The following JAK1 variants were observed in gnomAD, a reference collection of about 807,000 sequenced individuals.
JAK1 encodes the protein Janus kinase 1.
A neutral mutation model predicts 136.6 loss-of-function variants in JAK1; 16 were observed. That is an observed-to-expected ratio of 0.12 (90% confidence interval 0.08 to 0.18). JAK1 has a LOEUF of 0.18. Among genes scored for constraint, JAK1 ranks in the 10% least tolerant of loss-of-function variants. The pLI is 1.00. For synonymous variants in JAK1, 492 were observed against 519.5 expected (o/e 0.95, Z 0.72); for missense variants, 859 against 1,450.1 (o/e 0.59, Z 6.62).
Position 64,862,254 on chromosome 1 carries a change from G to A in JAK1, c.1177-1992C>T, listed in dbSNP as rs115990377. Among the ~76,000 whole-genome samples, 541 of 152,296 alleles carry A rather than the reference G, an allele frequency of 3.6e-3. 5 individuals carry two copies. The highest frequency in any genetic ancestry group is 0.012 in the African/African-American group (504 of 41,566). Reference sequence around the variant, plus strand: ...ACCTGCTAGTAGGGTTATGCATATGGAATCATCATTTTTATAGGTCAAAAT... The same window carrying A: ...ACCTGCTAGTAGGGTTATGCATATGAAATCATCATTTTTATAGGTCAAAAT... On this transcript the variant is annotated intron_variant, in intron 8 of 24. Coordinates refer to ENST00000342505, the MANE Select transcript of JAK1 (RefSeq NM_002227.4).
intron 2 of JAK1, among the ~76,000 whole-genome samples, chr1:65,043,700 ATTTTTTTT>A (rs112982943): frequency 0.096 from 9,774 of 101,328 alleles, 720 homozygotes; most frequent in East Asian, 0.35. Context: ...CACCTGGCTA[ATTTTTTTT>A]TTTTTTTTTT....
At chr1:65,003,709 G>T (rs1646780972) in intron 2 of JAK1, 1 of 150,716 alleles carries the variant, frequency 6.6e-6, no homozygotes, top group Admixed American at 6.7e-5. Flanking sequence ...TTCTTGTTAT[G>T]AGATGGGTGC....
At chr1:65,013,254 G>A (rs926767482) in intron 2 of JAK1, among the ~76,000 whole-genome samples, 11 of 151,078 alleles carry the variant, frequency 7.3e-5, no homozygotes, top group Non-Finnish European at 1.3e-4. Flanking sequence ...AAAATTAGCC[G>A]GGCGTGCTGG....
At chr1:64,891,112 A>G (rs549298651) in intron 1 of JAK1, among the ~76,000 whole-genome samples, 5 of 152,296 alleles carry the variant, frequency 3.3e-5, no homozygotes, top group African/African-American at 1.2e-4. Flanking sequence ...AACTGATTAC[A>G]GCTTGATGAA....
chr1:64,837,381 T>G (rs1654553515), intron 22 of JAK1, among the ~76,000 whole-genome samples: 2 of 152,108 alleles, frequency 1.3e-5, no homozygotes, highest in Admixed American at 1.3e-4. Context: ...CAGGGTGCGG[T>G]AGAGATGTAA....
At chr1:64,871,045 G>A (rs973571736) in intron 5 of JAK1, among the ~76,000 whole-genome samples, 1 of 152,150 alleles carries the variant, frequency 6.6e-6, no homozygotes, top group African/African-American at 2.4e-5. Flanking sequence ...CTGCTCCCGG[G>A]AAAGGTAAAG....
intron 5 of JAK1, among the ~76,000 whole-genome samples, chr1:64,872,821 C>A (rs1391332779): frequency 1.3e-5 from 2 of 152,154 alleles, no homozygotes; most frequent in Non-Finnish European, 2.9e-5. Flanking sequence ...AAAATCTATA[C>A]AGTATCTAAA....
intron 1 of JAK1, among the ~76,000 whole-genome samples, chr1:64,914,438 A>G (rs898275166): frequency 3.3e-5 from 5 of 152,254 alleles, no homozygotes; most frequent in Admixed American, 6.5e-5. Context: ...TAGAGGTTGT[A>G]AAGTCCCAAA....
intron 1 of JAK1, among the ~76,000 whole-genome samples, chr1:64,891,376 A>G (rs938293388): frequency 3.3e-5 from 5 of 152,126 alleles, no homozygotes; most frequent in Admixed American, 1.3e-4. Flanking sequence ...AGTACTTTTC[A>G]TAGTCTAACA....
At chr1:65,051,287 T>C (rs1377651771) in intron 1 of JAK1, among the ~76,000 whole-genome samples, 4 of 152,106 alleles carry the variant, frequency 2.6e-5, no homozygotes, top group Admixed American at 2.6e-4. Context: ...TAAAAATCCA[T>C]AATTCCCTCT....
chr1:64,839,522 G>T, intron 20 of JAK1, 81 bp downstream of exon 20: 1 of 1,242,770 alleles, frequency 8.0e-7, no homozygotes, highest in Non-Finnish European at 1.1e-6. Context: ...TAAGGCCACG[G>T]AGTGCCTGTT....
chr1:64,953,660 AT>A (rs1044461372), intron 1 of JAK1, among the ~76,000 whole-genome samples: 24 of 151,682 alleles, frequency 1.6e-4, no homozygotes, highest in East Asian at 1.6e-3. Flanking sequence ...AAAACAAAAA[AT>A]TTTTTTTTAT....
chr1:64,995,460 A>G (rs1351892482), intron 2 of JAK1, among the ~76,000 whole-genome samples: 1 of 152,216 alleles, frequency 6.6e-6, no homozygotes, highest in Non-Finnish European at 1.5e-5. Flanking sequence ...GAGGCCTTCC[A>G]ACACAATAAG....
chr1:64,901,887 G>A (rs1412599139), intron 1 of JAK1, among the ~76,000 whole-genome samples: 1 of 152,116 alleles, frequency 6.6e-6, no homozygotes, highest in Non-Finnish European at 1.5e-5. Context: ...TGTGTGTCTG[G>A]CTTCTTTCAC....
rs1570602745 is a variant in JAK1, at chr1:64,837,427, C to T, written c.3140+505G>A. ...CCCTGGACAGTGTTCCCGGCTGAGA[C>T]ATGGTTGTAGCCAGTGTGTGGCCTT... On this transcript the variant is annotated intron_variant, in intron 22 of 24. Transcript: ENST00000342505. Among the ~76,000 whole-genome samples, 6 of 152,280 alleles carry T rather than the reference C, an allele frequency of 3.9e-5. No homozygotes were observed. The South Asian group carries it at 1.2e-3, about 32-fold the overall frequency.
At chr1:64,858,268 A>G (rs1357103089) in intron 9 of JAK1, among the ~76,000 whole-genome samples, 2 of 152,222 alleles carry the variant, frequency 1.3e-5, no homozygotes, top group Non-Finnish European at 2.9e-5. Context: ...GGCCTGTCTT[A>G]CATTTCTTTG....
intron 1 of JAK1, among the ~76,000 whole-genome samples, chr1:64,951,650 T>C (rs1052907579): frequency 3.0e-4 from 1 of 3,280 alleles, no homozygotes; most frequent in African/African-American, 5.6e-4. Context: ...AAGTTCTGCC[T>C]TTTTTTTTTT....
intron 1 of JAK1, among the ~76,000 whole-genome samples, chr1:64,901,219 C>T (rs1408766824): frequency 1.3e-5 from 2 of 152,188 alleles, no homozygotes; most frequent in East Asian, 3.9e-4. Flanking sequence ...CCCAGCATGC[C>T]TTCTCTGACT....
intron 2 of JAK1, among the ~76,000 whole-genome samples, chr1:65,040,545 A>G (rs755848070): frequency 2.6e-5 from 4 of 152,066 alleles, no homozygotes; most frequent in Non-Finnish European, 5.9e-5. Context: ...GGCATTTAAC[A>G]TAACGTGTTC....
Sources: gnomAD v4.1 joint callset for allele counts (sites outside exome capture counted in the v4.1 genomes callset) on GRCh38, gnomAD v4.1.1 for gene constraint, MANE v1.5 for transcripts, NCBI Gene and HGNC (gene_info 2026-07-23, HGNC 2026-07-21) for gene names.